Variants in PCDHA4 observed in about 807,000 individuals in gnomAD.
PCDHA4 encodes the protein protocadherin alpha-4.
In PCDHA4, 49 loss-of-function variants were observed where a neutral mutation model predicts 61.4. The observed-to-expected ratio is 0.80, with a 90% CI of 0.63 to 1.01. PCDHA4 has a LOEUF of 1.01. Among genes scored for constraint, PCDHA4 ranks in the 50% least tolerant of loss-of-function variants. PCDHA4 has a pLI of 0.00. For missense variants in PCDHA4, 1,254 were observed against 1,235.8 expected, an observed-to-expected ratio of 1.01 and a Z score of -0.22; for synonymous variants, 590 against 550.3, an observed-to-expected ratio of 1.07 and a Z score of -1.01.
intron 1 of PCDHA4, chr5:140,863,004 GC>G (rs781788283): frequency 1.8e-6 from 1 of 551,012 alleles, no homozygotes; most frequent in Non-Finnish European, 3.6e-6. Context: ...GTGGACTCCA[GC>G]TATGACGCCT....
chr5:140,942,588 A>G lies in PCDHA4; in HGVS notation c.2386-36361A>G, dbSNP rs1416575390. Among the ~76,000 whole-genome samples the G allele has an allele frequency of 2.0e-5, 3 of 149,704 alleles. No homozygotes were observed. The East Asian group carries it at 5.9e-4, about 29-fold the overall frequency. ...AAAATCTTCCCATATAGGATGTCAC[A>G]TATAATTATAGTGTTTATATTTGCC... On this transcript the variant is annotated intron_variant, in intron 1 of 3. Transcript: ENST00000530339.
chr5:140,927,493 C>G, intron 1 of PCDHA4: 1 of 1,614,144 alleles, frequency 6.2e-7, no homozygotes. Flanking sequence ...CACCCACCTG[C>G]TGGTGCTTAC....
Position 140,824,630 on chromosome 5 carries a change from TTTA to T in PCDHA4, c.2385+15061_2385+15063del, listed in dbSNP as rs1222367338. The T allele has an allele frequency of 6.7e-3, 821 of 121,994 alleles. 129 individuals carry two copies. The highest frequency in any genetic ancestry group is 0.019 in the African/African-American group (519 of 27,074). 7.6% of individuals were successfully genotyped at this position (121,994 alleles called of 1,614,324 possible). A position where few individuals can be genotyped will look rare whatever the true frequency, so the allele number is the denominator to read the frequency against. Reference sequence around the variant, plus strand: ...TTAAAGTTTTTTTTTTTTTTTTTTTTTTATTTTCTGTAGAGATAGGGGTCTTGC... The same window carrying T: ...TTAAAGTTTTTTTTTTTTTTTTTTTTTTTTCTGTAGAGATAGGGGTCTTGC... On this transcript the variant is annotated intron_variant, in intron 1 of 3. Coordinates refer to ENST00000530339, the MANE Select transcript of PCDHA4 (RefSeq NM_018907.4).
intron 1 of PCDHA4, chr5:140,929,177 T>G: frequency 6.2e-7 from 1 of 1,614,172 alleles, no homozygotes; most frequent in Non-Finnish European, 8.5e-7. Flanking sequence ...TCTCTGGGAC[T>G]TGGTTCTGAT....
intron 1 of PCDHA4, among the ~76,000 whole-genome samples, chr5:140,909,449 A>G (rs1301796561): frequency 1.3e-5 from 2 of 152,218 alleles, no homozygotes; most frequent in African/African-American, 4.8e-5. Flanking sequence ...GTCATTCTCC[A>G]AGATCCATCT....
At chr5:140,965,312 C>G (rs543157988) in intron 1 of PCDHA4, among the ~76,000 whole-genome samples, 1 of 152,258 alleles carries the variant, frequency 6.6e-6, no homozygotes, top group East Asian at 1.9e-4. Context: ...TCTACCTTCT[C>G]TTTTACTGAA....
In PCDHA4 at chr5:140,855,887, C is replaced by T. The variant is rs2043661726; in HGVS notation, c.2385+46315C>T. 3.0e-6 allele frequency: 3 copies of T among 985,500 alleles called. No individual in the cohort carries two copies. The African/African-American group carries it at 4.9e-5, about 16-fold the overall frequency. The allele number at this position is 985,500 out of a possible 1,614,324, so 61.0% of individuals were successfully genotyped here. A position where few individuals can be genotyped will look rare whatever the true frequency, so the allele number is the denominator to read the frequency against. ...TCGTCCACAAAATAGCTTTTTAGAA[C>T]AAAGGCATCAGCCAGTTTCTCAAGG... On this transcript the variant is annotated intron_variant, in intron 1 of 3. Transcript: ENST00000530339.
intron 1 of PCDHA4, among the ~76,000 whole-genome samples, chr5:140,937,127 T>TC: frequency 6.7e-6 from 1 of 149,014 alleles, no homozygotes. Context: ...AAGCTCCGCC[T>TC]CCCGGGTTCA....
chr5:140,852,885 ATTT>A, intron 1 of PCDHA4: 4 of 778,030 alleles, frequency 5.1e-6, no homozygotes, highest in Non-Finnish European at 6.3e-6. Flanking sequence ...CATAAAACGT[ATTT>A]TTTTTTTTGA....
intron 1 of PCDHA4, chr5:140,884,558 C>T: frequency 3.7e-6 from 6 of 1,614,146 alleles, no homozygotes; most frequent in Non-Finnish European, 5.1e-6. Flanking sequence ...TGGGGAGGGC[C>T]CGCATAAGAC....
At chr5:140,923,116 T>C (rs1418111802) in intron 1 of PCDHA4, among the ~76,000 whole-genome samples, 1 of 152,216 alleles carries the variant, frequency 6.6e-6, no homozygotes, top group African/African-American at 2.4e-5. Flanking sequence ...TTTAAGTTTT[T>C]AGGGTCACAC....
At chr5:140,831,682 G>T (rs2150196752) in intron 1 of PCDHA4, among the ~76,000 whole-genome samples, 1 of 152,150 alleles carries the variant, frequency 6.6e-6, no homozygotes, top group African/African-American at 2.4e-5. Flanking sequence ...TTCTTTGAAT[G>T]AAAAGCAGCA....
rs113425597 is a variant in PCDHA4 at position 140,807,616 on chromosome 5, G to T, written c.429G>T (p.Ala143=). The T allele has an allele frequency of 6.2e-7, 1 of 1,614,130 alleles. No individual in the cohort carries two copies. The highest frequency in any genetic ancestry group is 1.3e-5 in the African/African-American group (1 of 75,002). Reference sequence around the variant, plus strand: ...CAACACAAAAGAACCTGTCCATCGCGGAATCCAGGCCGCTTGACTCTCGGT... The same window carrying T: ...CAACACAAAAGAACCTGTCCATCGCTGAATCCAGGCCGCTTGACTCTCGGT... The part of the protein sequence containing the change: ...FPATQKNLSI[A]ESRPLDSRFP... Residue 143 remains alanine, a synonymous_variant, in exon 1 of 4, where the codon GCG becomes GCT. Coordinates refer to ENST00000530339, the MANE Select transcript of PCDHA4 (RefSeq NM_018907.4).
intron 1 of PCDHA4, among the ~76,000 whole-genome samples, chr5:140,941,202 C>CTTTCCTT (rs1554213921): frequency 5.7e-5 from 7 of 122,742 alleles, no homozygotes; most frequent in Admixed American, 1.7e-4. Flanking sequence ...TTTCTTTCTT[C>CTTTCCTT]CTTTCTTTCT....
rs1056248774 is a variant in PCDHA4, at chr5:140,862,628, G to A, written c.2385+53056G>A. On this transcript the variant is annotated intron_variant, in intron 1 of 3. Coordinates refer to ENST00000530339, the MANE Select transcript of PCDHA4 (RefSeq NM_018907.4). The stretch of plus-strand genomic sequence containing the variant: ...GTGAAAGGTAACAACCCGCGGGGCT[G>A]CCACGACTTCACAGTGTCCGCGCGG... The A allele has an allele frequency of 9.4e-6, 5 of 534,028 alleles. No individual in the cohort carries two copies. In the Admixed American group the frequency reaches 9.7e-5, roughly 10 times the overall value. 33.1% of individuals were successfully genotyped at this position (534,028 alleles called of 1,614,324 possible). A position where few individuals can be genotyped will look rare whatever the true frequency, so the allele number is the denominator to read the frequency against.
In PCDHA4 at chr5:140,808,537, C is replaced by T. The variant is rs1277365179; in HGVS notation, c.1350C>T (p.Asp450=). The T allele has an allele frequency of 6.2e-7, 1 of 1,614,052 alleles. No homozygotes were observed. The highest frequency in any genetic ancestry group is 1.3e-5 in the African/African-American group (1 of 74,946). Residue 450 remains aspartate, a synonymous_variant, in exon 1 of 4, where the codon GAC becomes GAT. Coordinates refer to ENST00000530339, the MANE Select transcript of PCDHA4 (RefSeq NM_018907.4). ...CTGTGGAGGTGGCTGATGTGAACGA[C>T]AACGCTCCGGCGTTCGCGCAGCCCG... ...SVSVEVADVN[D]NAPAFAQPEY...
At chr5:140,863,421 CGTA>C in intron 1 of PCDHA4, 3 of 689,676 alleles carry the variant, frequency 4.3e-6, no homozygotes, top group Non-Finnish European at 7.6e-6. Flanking sequence ...TGTACCGCAG[CGTA>C]GTGGGATCTG....
chr5:140,898,138 T>C (rs1294129650), intron 1 of PCDHA4, among the ~76,000 whole-genome samples: 1 of 152,208 alleles, frequency 6.6e-6, no homozygotes, highest in African/African-American at 2.4e-5. Flanking sequence ...ATTTTGTAGG[T>C]TGCCTGTTCA....
chr5:140,849,852 C>A (rs2150454047), intron 1 of PCDHA4: 2 of 1,598,608 alleles, frequency 1.3e-6, no homozygotes, highest in East Asian at 2.2e-5. Context: ...CGACAACGCA[C>A]CAGCGTTCGC....
Sources: gnomAD v4.1 joint callset for allele counts (sites outside exome capture counted in the v4.1 genomes callset) on GRCh38, gnomAD v4.1.1 for gene constraint, MANE v1.5 for transcripts, NCBI Gene and HGNC (gene_info 2026-07-23, HGNC 2026-07-21) for gene names.